The following CNTNAP2 variants were observed in gnomAD, a reference collection of about 807,000 sequenced individuals.
CNTNAP2 encodes contactin associated protein 2, also known as contactin-associated protein-like 2.
In CNTNAP2, 98 loss-of-function variants were observed where a neutral mutation model predicts 155.2. That is an observed-to-expected ratio of 0.63 (90% CI 0.54 to 0.75). CNTNAP2 has a LOEUF of 0.75. Ranked by LOEUF, CNTNAP2 falls within the 30% of genes least tolerant of loss-of-function variation. CNTNAP2 has a pLI of 0.00. For missense variants in CNTNAP2, 1,727 were observed against 1,688.1 expected, an observed-to-expected ratio of 1.02 and a Z score of -0.40; for synonymous variants, 651 against 631.2, an observed-to-expected ratio of 1.03 and a Z score of -0.47.
chr7:147,977,063 T>G (rs1390680036), intron 14 of CNTNAP2, among the ~76,000 whole-genome samples: 1 of 152,112 alleles, frequency 6.6e-6, no homozygotes, highest in Non-Finnish European at 1.5e-5. Flanking sequence ...GTGAAATCTG[T>G]GCTGCACGGG....
At chr7:146,516,921 C>T (rs1797550077) in intron 1 of CNTNAP2, among the ~76,000 whole-genome samples, 1 of 152,028 alleles carries the variant, frequency 6.6e-6, no homozygotes, top group South Asian at 2.1e-4. Context: ...TAATCCTCTT[C>T]TTCAAAAATT....
chr7:148,192,309 T>C (rs1220549272), intron 18 of CNTNAP2, among the ~76,000 whole-genome samples: 1 of 152,174 alleles, frequency 6.6e-6, no homozygotes, highest in Non-Finnish European at 1.5e-5. Context: ...ACCCATTGTT[T>C]AGCTCGCACT....
intron 2 of CNTNAP2, among the ~76,000 whole-genome samples, chr7:146,780,934 A>G (rs1802475075): frequency 1.3e-5 from 2 of 151,862 alleles, no homozygotes; most frequent in South Asian, 4.2e-4. Flanking sequence ...GGGGCTTAAA[A>G]CCTAGATGAC....
chr7:147,190,052 A>C lies in CNTNAP2; in HGVS notation c.1348+57543A>C, dbSNP rs539351707. ...AGCCACCGTGCCCACCCTTAACACC[A>C]CTTTTTGAAGATATCTTTACCTTCA... On this transcript the variant is annotated intron_variant, in intron 8 of 23. Coordinates refer to ENST00000361727, the MANE Select transcript of CNTNAP2 (RefSeq NM_014141.6). Among the ~76,000 whole-genome samples the C allele has an allele frequency of 1.3e-3, 196 of 152,132 alleles. 1 individual carries two copies. The highest frequency in any genetic ancestry group is 4.2e-3 in the African/African-American group (173 of 41,524).
At chr7:146,300,965 G>A (rs952416882) in intron 1 of CNTNAP2, among the ~76,000 whole-genome samples, 3 of 152,100 alleles carry the variant, frequency 2.0e-5, no homozygotes, top group Non-Finnish European at 4.4e-5. Context: ...AGTGCTGAGG[G>A]TGGACTGTTC....
intron 10 of CNTNAP2, among the ~76,000 whole-genome samples, chr7:147,408,447 T>C (rs1797046196): frequency 6.6e-6 from 1 of 152,160 alleles, no homozygotes; most frequent in Non-Finnish European, 1.5e-5. Context: ...AAGCTAGGAA[T>C]TTAGGGGGAT....
At chr7:148,164,796 TTTTTTTA>T (rs1367413383) in intron 17 of CNTNAP2, among the ~76,000 whole-genome samples, 2 of 143,466 alleles carry the variant, frequency 1.4e-5, no homozygotes, top group African/African-American at 5.4e-5. Flanking sequence ...AATTTTTGTA[TTTTTTTA>T]TTTTTTATTT....
intron 1 of CNTNAP2, among the ~76,000 whole-genome samples, chr7:146,225,923 C>G (rs546303593): frequency 6.6e-6 from 1 of 152,230 alleles, no homozygotes; most frequent in Admixed American, 6.5e-5. Flanking sequence ...TCTTTGTAAT[C>G]CAATTCCATT....
intron 3 of CNTNAP2, among the ~76,000 whole-genome samples, chr7:146,923,841 G>T (rs927624232): frequency 7.9e-5 from 12 of 152,042 alleles, no homozygotes; most frequent in African/African-American, 2.9e-4. Flanking sequence ...TGGATAAACA[G>T]CATCAGTATC....
intron 3 of CNTNAP2, among the ~76,000 whole-genome samples, chr7:146,885,470 T>G (rs1795636851): frequency 1.3e-5 from 2 of 152,132 alleles, no homozygotes; most frequent in Admixed American, 1.3e-4. Flanking sequence ...AAACAAGCTC[T>G]TATATAGCTG....
chr7:146,639,931 C>G (rs1430351812), intron 1 of CNTNAP2, among the ~76,000 whole-genome samples: 1 of 152,198 alleles, frequency 6.6e-6, no homozygotes, highest in Non-Finnish European at 1.5e-5. Flanking sequence ...TATGAAATAG[C>G]CAACGGCACC....
At chr7:146,545,871 C>A (rs551596124) in intron 1 of CNTNAP2, among the ~76,000 whole-genome samples, 1 of 152,014 alleles carries the variant, frequency 6.6e-6, no homozygotes, top group East Asian at 1.9e-4. Flanking sequence ...TATAAAGACA[C>A]ATGCACATGT....
intron 8 of CNTNAP2, among the ~76,000 whole-genome samples, chr7:147,169,946 A>C (rs1446758316): frequency 6.6e-6 from 1 of 151,970 alleles, no homozygotes; most frequent in African/African-American, 2.4e-5. Context: ...TCATTTTATT[A>C]ATAGTTATTT....
At chr7:147,924,996 G>A (rs1219563476) in intron 14 of CNTNAP2, among the ~76,000 whole-genome samples, 2 of 152,002 alleles carry the variant, frequency 1.3e-5, no homozygotes, top group Admixed American at 6.6e-5. Context: ...GCACGAGCCT[G>A]TAGTCCCAGC....
At chr7:146,340,813 A>G (rs1043527598) in intron 1 of CNTNAP2, among the ~76,000 whole-genome samples, 2 of 152,210 alleles carry the variant, frequency 1.3e-5, no homozygotes, top group Admixed American at 1.3e-4. Flanking sequence ...AATATTTGCT[A>G]AAATAAGATT....
intron 1 of CNTNAP2, among the ~76,000 whole-genome samples, chr7:146,630,712 T>G (rs347214): frequency 0.66 from 100,367 of 151,860 alleles, 34,837 homozygotes; most frequent in African/African-American, 0.85. Flanking sequence ...GTATTAATTT[T>G]CATTTCTCTA....
intron 17 of CNTNAP2, among the ~76,000 whole-genome samples, chr7:148,166,298 C>CA (rs1457552308): frequency 3.3e-5 from 5 of 152,034 alleles, no homozygotes; most frequent in African/African-American, 1.2e-4. Context: ...AGCAGACAAA[C>CA]AAAACATCTA....
At chr7:148,112,139 A>C (rs1804366039) in intron 15 of CNTNAP2, among the ~76,000 whole-genome samples, 1 of 152,218 alleles carries the variant, frequency 6.6e-6, no homozygotes, top group South Asian at 2.1e-4. Flanking sequence ...CAATGTTGGA[A>C]AATGTTTGAG....
At chr7:147,990,530 G>T (rs1801693158) in intron 15 of CNTNAP2, among the ~76,000 whole-genome samples, 1 of 152,000 alleles carries the variant, frequency 6.6e-6, no homozygotes, top group East Asian at 1.9e-4. Context: ...GGCCTCTCTG[G>T]CCAGAGGGGA....
Sources: gnomAD v4.1 joint callset for allele counts (sites outside exome capture counted in the v4.1 genomes callset) on GRCh38, gnomAD v4.1.1 for gene constraint, MANE v1.5 for transcripts, NCBI Gene and HGNC (gene_info 2026-07-23, HGNC 2026-07-21) for gene names.